Variants in SLC35F3 observed in about 807,000 individuals in gnomAD.
SLC35F3 encodes solute carrier family 35 member F3, also known as putative thiamine transporter SLC35F3.
A neutral mutation model predicts 49.9 loss-of-function variants in SLC35F3; 25 were observed. The observed-to-expected ratio is 0.50, with a 90% CI of 0.37 to 0.70. The LOEUF (loss-of-function observed/expected upper bound fraction) is 0.70, where lower values mean the gene tolerates loss of function less well. Among genes scored for constraint, SLC35F3 ranks in the 30% least tolerant of loss-of-function variants. The pLI, the probability that SLC35F3 is intolerant of heterozygous loss-of-function variation, is 0.00. For synonymous variants in SLC35F3, 275 were observed against 265.4 expected, an observed-to-expected ratio of 1.04 and a Z score of -0.35; for missense variants, 525 against 639.8, an observed-to-expected ratio of 0.82 and a Z score of 1.94.
chr1:233,943,639 C>A (rs938474928), intron 2 of SLC35F3, among the ~76,000 whole-genome samples: 3 of 152,108 alleles, frequency 2.0e-5, no homozygotes, highest in Admixed American at 2.0e-4. Context: ...ATGCAAAGGA[C>A]TCCAGTGTAA....
intron 2 of SLC35F3, among the ~76,000 whole-genome samples, chr1:233,958,571 A>G (rs1312126501): frequency 6.6e-6 from 1 of 152,242 alleles, no homozygotes; most frequent in African/African-American, 2.4e-5. Context: ...AAGAAATTTT[A>G]TGAATCTTGA....
At chr1:234,164,441 T>A (rs1319397827) in intron 2 of SLC35F3, among the ~76,000 whole-genome samples, 1 of 150,384 alleles carries the variant, frequency 6.6e-6, no homozygotes, top group Non-Finnish European at 1.5e-5. Context: ...TCTCTTCCTC[T>A]CTCCTCTCCT....
chr1:234,223,311 G>T (rs1012261525), intron 2 of SLC35F3, among the ~76,000 whole-genome samples: 1 of 152,100 alleles, frequency 6.6e-6, no homozygotes, highest in African/African-American at 2.4e-5. Flanking sequence ...GCTGGATCAC[G>T]ACCTGACTCT....
intron 2 of SLC35F3, among the ~76,000 whole-genome samples, chr1:234,065,972 G>T (rs1664610626): frequency 6.6e-6 from 1 of 152,198 alleles, no homozygotes; most frequent in Non-Finnish European, 1.5e-5. Context: ...AGGGCCCTTC[G>T]CTGGTCCGGA....
chr1:234,067,882 G>A (rs1208551839), intron 2 of SLC35F3, among the ~76,000 whole-genome samples: 1 of 152,204 alleles, frequency 6.6e-6, no homozygotes, highest in Non-Finnish European at 1.5e-5. Flanking sequence ...ACAGGAAAGG[G>A]TAATTCATGC....
chr1:234,277,263 T>C (rs1668227740), intron 3 of SLC35F3, among the ~76,000 whole-genome samples: 1 of 152,030 alleles, frequency 6.6e-6, no homozygotes, highest in Admixed American at 6.5e-5. Flanking sequence ...ATGAAGGTAA[T>C]GGGGAGAGGC....
Position 234,047,547 on chromosome 1 carries a change from A to G in SLC35F3, c.283+141789A>G, listed in dbSNP as rs373027444. ...ATCATTGGTTCTTCCTGCGTCATGA[A>G]CTTACTGGCCTTTGGACTATAATAG... On this transcript the variant is annotated intron_variant, in intron 2 of 7. Transcript: ENST00000366618. 1.1e-4 allele frequency among the ~76,000 whole-genome samples: 16 copies of G among 152,280 alleles called. No homozygotes were observed. The East Asian group carries it at 1.7e-3, about 17-fold the overall frequency.
intron 2 of SLC35F3, among the ~76,000 whole-genome samples, chr1:233,999,720 A>C (rs1190388876): frequency 6.6e-6 from 1 of 151,784 alleles, no homozygotes; most frequent in East Asian, 1.9e-4. Context: ...TGTGCTCTGC[A>C]GCACACTCTT....
At chr1:234,301,539 C>T (rs906176082) in intron 3 of SLC35F3, among the ~76,000 whole-genome samples, 1 of 152,164 alleles carries the variant, frequency 6.6e-6, no homozygotes, top group African/African-American at 2.4e-5. Flanking sequence ...AGTCAGGAAA[C>T]AGTAGATGCT....
chr1:234,249,444 G>A (rs1219714475), intron 3 of SLC35F3, among the ~76,000 whole-genome samples: 4 of 152,178 alleles, frequency 2.6e-5, no homozygotes, highest in Admixed American at 6.5e-5. Context: ...CCATGGGTCT[G>A]AACAGATTCC....
chr1:234,066,442 G>A (rs756931986), intron 2 of SLC35F3, among the ~76,000 whole-genome samples: 2 of 152,108 alleles, frequency 1.3e-5, no homozygotes, highest in Non-Finnish European at 2.9e-5. Context: ...TCCCACCAGG[G>A]TGGTTAGCTG....
chr1:233,947,817 A>C (rs1012907093), intron 2 of SLC35F3, among the ~76,000 whole-genome samples: 3 of 147,592 alleles, frequency 2.0e-5, no homozygotes, highest in African/African-American at 7.5e-5. Flanking sequence ...AAGATGATTT[A>C]TTCTCAAGGC....
At chr1:234,220,386 A>G (rs548699673) in intron 2 of SLC35F3, among the ~76,000 whole-genome samples, 116 of 152,262 alleles carry the variant, frequency 7.6e-4, no homozygotes, top group Non-Finnish European at 9.7e-4. Context: ...GCTGGAAAGT[A>G]TCCAGTGGTG....
intron 3 of SLC35F3, among the ~76,000 whole-genome samples, chr1:234,234,405 A>G (rs537549035): frequency 1.2e-4 from 19 of 152,250 alleles, no homozygotes; most frequent in Non-Finnish European, 2.4e-4. Flanking sequence ...GTTCCCCAGC[A>G]CAGAGCTCCG....
intron 2 of SLC35F3, among the ~76,000 whole-genome samples, chr1:233,999,203 G>A (rs185744676): frequency 1.3e-5 from 2 of 152,184 alleles, no homozygotes; most frequent in East Asian, 1.9e-4. Flanking sequence ...GTCATCCCAC[G>A]TTTTTTCCAC....
intron 2 of SLC35F3, among the ~76,000 whole-genome samples, chr1:234,049,466 G>T (rs1664342885): frequency 1.3e-5 from 2 of 152,006 alleles, no homozygotes; most frequent in Admixed American, 1.3e-4. Context: ...TACAAGTTAG[G>T]ACGAGAATTC....
intron 2 of SLC35F3, among the ~76,000 whole-genome samples, chr1:234,055,803 G>A (rs1445863997): frequency 6.6e-6 from 1 of 152,148 alleles, no homozygotes; most frequent in African/African-American, 2.4e-5. Context: ...TTTTGTTTTT[G>A]ATAGAGATTT....
intron 2 of SLC35F3, among the ~76,000 whole-genome samples, chr1:233,960,579 A>C (rs1662782947): frequency 6.6e-6 from 1 of 152,146 alleles, no homozygotes; most frequent in African/African-American, 2.4e-5. Flanking sequence ...GTCCCATCCC[A>C]GCCCATGCAG....
intron 2 of SLC35F3, among the ~76,000 whole-genome samples, chr1:233,951,227 T>C (rs1662602441): frequency 6.6e-6 from 1 of 151,882 alleles, no homozygotes; most frequent in South Asian, 2.1e-4. Context: ...GCCATAAGAT[T>C]ATACTGAAGC....
Sources: gnomAD v4.1 joint callset for allele counts (sites outside exome capture counted in the v4.1 genomes callset) on GRCh38, gnomAD v4.1.1 for gene constraint, MANE v1.5 for transcripts, NCBI Gene and HGNC (gene_info 2026-07-23, HGNC 2026-07-21) for gene names.